PRKCG: variants seen among roughly 807,000 people sequenced by gnomAD.
PRKCG encodes protein kinase C gamma, also known as protein kinase C gamma type.
A neutral mutation model predicts 82.0 loss-of-function variants in PRKCG; 28 were observed. The observed-to-expected ratio is 0.34, with a 90% CI of 0.25 to 0.47. The LOEUF (loss-of-function observed/expected upper bound fraction) is 0.47. PRKCG is among the 20% of genes least tolerant of loss of function. PRKCG has a pLI of 1.00. For synonymous variants in PRKCG, 383 were observed against 376.6 expected, an observed-to-expected ratio of 1.02 and a Z score of -0.20; for missense variants, 640 against 952.7, an observed-to-expected ratio of 0.67 and a Z score of 4.32.
intron 5 of PRKCG, 105 bp from the exon 6 acceptor site, chr19:53,891,569 G>A (rs570239299): frequency 5.7e-5 from 81 of 1,431,752 alleles, no homozygotes; most frequent in East Asian, 2.6e-4. Flanking sequence ...GGCATGAGCC[G>A]CCGTGCCTGG....
chr19:53,882,623 C>A lies in PRKCG; in HGVS notation c.129C>A (p.Phe43Leu), dbSNP rs752509680. ...VKSHKFTARF[F>L]KQPTFCSHCT... ...GCCACAAGTTCACCGCTCGCTTCTT[C>A]AAGCAGCCCACCTTCTGCAGCCACT... The change falls in exon 1 of 18, where the codon TTC becomes TTA. Residue 43 changes from phenylalanine (F) to leucine (L), a missense_variant. Coordinates refer to ENST00000263431, the MANE Select transcript of PRKCG (RefSeq NM_002739.5). This position sits in a 1 kb window ranked among gnomAD's most constrained non-coding sequence, Gnocchi z 6.1. 1 of 1,612,604 alleles carries A rather than the reference C, an allele frequency of 6.2e-7. No homozygotes were observed. Among genetic ancestry groups the A allele is most frequent in the Non-Finnish European group, 8.5e-7 (1 of 1,179,464 alleles).
chr19:53,882,450 C>T lies in PRKCG; in HGVS notation c.-45C>T. On this transcript the variant is annotated 5_prime_UTR_variant, in exon 1 of 18. Coordinates refer to ENST00000263431, the MANE Select transcript of PRKCG (RefSeq NM_002739.5). This position sits in a 1 kb window ranked among gnomAD's most constrained non-coding sequence, Gnocchi z 6.1. ...AGCTCCTCTCCCTTCCACCTGTTTC[C>T]CCCAAGAAAGGCAGGATCCTGGTCC... 1 of 1,591,384 alleles carries T rather than the reference C, an allele frequency of 6.3e-7. No individual in the cohort carries two copies. Among genetic ancestry groups the T allele is most frequent in the Non-Finnish European group, 8.6e-7 (1 of 1,169,204 alleles).
Position 53,906,860 on chromosome 19 carries a change from A to C in PRKCG, c.2059A>C (p.Ser687Arg). The C allele has an allele frequency of 6.2e-7, 1 of 1,613,544 alleles. No homozygotes were observed. Among genetic ancestry groups the C allele is most frequent in the Non-Finnish European group, 8.5e-7 (1 of 1,179,956 alleles). The change falls in exon 18 of 18, where the codon AGC (serine) becomes CGC (arginine). Residue 687 changes from serine to arginine, a missense_variant. By Grantham distance (110) the Ser-to-Arg change is moderately radical (BLOSUM62 -1). Around this residue, in one of 7 missense-constraint regions of PRKCG, gnomAD observed 198 missense variants for 273.4 expected, o/e 0.72. Transcript: ENST00000263431. ...NPDFVHPDAR[S>R]PTSPVPVPVM ...CGACTTCGTGCACCCGGATGCCCGC[A>C]GCCCCACCAGCCCAGTGCCTGTGCC...
chr19:53,892,748 A>G lies in PRKCG; in HGVS notation c.821+105A>G, dbSNP rs993194392. On this transcript the variant is annotated intron_variant, in intron 7 of 17. Transcript: ENST00000263431. The surrounding 1 kb of genome is among the most constrained non-coding windows in gnomAD (Gnocchi z 5.9). ...ACTGTCCTTCCCTCTGCCTCCCAGC[A>G]TGCGCACACACACACACACACACAC... 7.9e-7 allele frequency: 1 copy of G among 1,258,646 alleles called. No individual in the cohort carries two copies. Among genetic ancestry groups the G allele is most frequent in the Non-Finnish European group, 1.1e-6 (1 of 908,750 alleles). 78.0% of individuals were successfully genotyped at this position (1,258,646 alleles called of 1,614,324 possible).
Position 53,892,729 on chromosome 19 carries a change from C to A in PRKCG, c.821+86C>A. On this transcript the variant is annotated intron_variant, in intron 7 of 17. Coordinates refer to ENST00000263431, the MANE Select transcript of PRKCG (RefSeq NM_002739.5). The surrounding 1 kb of genome is among the most constrained non-coding windows in gnomAD (Gnocchi z 5.9). ...GGTCTCTCTCCTCCAGGCCACTGTC[C>A]TTCCCTCTGCCTCCCAGCATGCGCA... is the stretch of plus-strand genomic sequence containing the variant. 6.6e-7 allele frequency: 1 copy of A among 1,503,974 alleles called. No homozygotes were observed. The allele number at this position is 1,503,974 out of a possible 1,614,324, so 93.2% of individuals were successfully genotyped here.
chr19:53,906,206 G>T lies in PRKCG; in HGVS notation c.1765-111G>T. On this transcript the variant is annotated intron_variant, in intron 16 of 17. Coordinates refer to ENST00000263431, the MANE Select transcript of PRKCG (RefSeq NM_002739.5). ...CTGTTCTTATCTCTCCGGATCTCAT[G>T]CCTGTGTCTCTTGGTTCCTCCATCT... 11 of 1,393,654 alleles carry T rather than the reference G, an allele frequency of 7.9e-6. No homozygotes were observed. In the South Asian group the frequency reaches 1.4e-4, roughly 17 times the overall value. 86.3% of individuals were successfully genotyped at this position (1,393,654 alleles called of 1,614,324 possible). A position where few individuals can be genotyped will look rare whatever the true frequency, so the allele number is the denominator to read the frequency against.
rs1448323942 is a variant in PRKCG, at chr19:53,889,388, C to G, written c.286-250C>G. 6.6e-6 allele frequency among the ~76,000 whole-genome samples: 1 copy of G among 152,098 alleles called. No homozygotes were observed. Among genetic ancestry groups the G allele is most frequent in the Non-Finnish European group, 1.5e-5 (1 of 68,028 alleles). ...TATTTACCATGTTTACATTCTGTAT[C>G]CCTCCATTAGGAAGTAAACTCCATG... On this transcript the variant is annotated intron_variant, in intron 3 of 17. Transcript: ENST00000263431. The surrounding 1 kb of genome is among the most constrained non-coding windows in gnomAD (Gnocchi z 4.4).
In PRKCG at chr19:53,883,029, G is replaced by T; in HGVS notation, c.171-134G>T. ...GGCCAAAATTTCTGGGTTCTAGAAA[G>T]AGGAGGTGGCCGGGGCTTGGACACC... On this transcript the variant is annotated intron_variant, in intron 1 of 17. Coordinates refer to ENST00000263431, the MANE Select transcript of PRKCG (RefSeq NM_002739.5). This position sits in a 1 kb window ranked among gnomAD's most constrained non-coding sequence, Gnocchi z 5.4. 1 of 1,174,170 alleles carries T rather than the reference G, an allele frequency of 8.5e-7. No homozygotes were observed. 72.7% of individuals were successfully genotyped at this position (1,174,170 alleles called of 1,614,324 possible).
In PRKCG at chr19:53,884,261, T is replaced by C; in HGVS notation, c.285+18T>C. On this transcript the variant is annotated intron_variant, in intron 3 of 17. Coordinates refer to ENST00000263431, the MANE Select transcript of PRKCG (RefSeq NM_002739.5). The surrounding 1 kb of genome is among the most constrained non-coding windows in gnomAD (Gnocchi z 4.6). ...AGACGGACGTGAGTGCTCGGACACC[T>C]GGTTCTCCTCCTCGGGCCGTGCCCC... 1.2e-6 allele frequency: 2 copies of C among 1,612,360 alleles called. No individual in the cohort carries two copies. Among genetic ancestry groups the C allele is most frequent in the Non-Finnish European group, 1.7e-6 (2 of 1,178,956 alleles).
intron 5 of PRKCG, among the ~76,000 whole-genome samples, chr19:53,890,627 G>C (rs1599944069): frequency 1.3e-5 from 2 of 151,286 alleles, no homozygotes; most frequent in African/African-American, 2.4e-5. Flanking sequence ...TGTCACCCAG[G>C]CTGGAGTGCA....
Position 53,883,327 on chromosome 19 carries a change from C to T in PRKCG, c.202+133C>T. 2 of 1,096,496 alleles carry T rather than the reference C, an allele frequency of 1.8e-6. No individual in the cohort carries two copies. The highest frequency in any genetic ancestry group is 2.6e-5 in the South Asian group (2 of 76,236). 67.9% of individuals were successfully genotyped at this position (1,096,496 alleles called of 1,614,324 possible). ...GGGGAGCCCGGGGCGGGGGGTGTGG[C>T]AGAGACACAGCCTGTGGTGGGGAGG... On this transcript the variant is annotated intron_variant, in intron 2 of 17. Coordinates refer to ENST00000263431, the MANE Select transcript of PRKCG (RefSeq NM_002739.5). The surrounding 1 kb of genome is among the most constrained non-coding windows in gnomAD (Gnocchi z 5.4).
chr19:53,893,185 A>C (rs905781155), intron 8 of PRKCG, 110 bp downstream of exon 8: 2 of 1,265,266 alleles, frequency 1.6e-6, no homozygotes, highest in Non-Finnish European at 2.3e-6. Flanking sequence ...TACAGTTCCC[A>C]GAAGACCCTA....
intron 3 of PRKCG, among the ~76,000 whole-genome samples, chr19:53,888,829 TAAC>T (rs1342383631): frequency 3.3e-5 from 5 of 152,096 alleles, no homozygotes; most frequent in African/African-American, 1.2e-4. Context: ...CCTCAAATAA[TAAC>T]TTGTGGGAGT....
In PRKCG at chr19:53,883,260, G is replaced by A; in HGVS notation, c.202+66G>A. 2 of 1,588,934 alleles carry A rather than the reference G, an allele frequency of 1.3e-6. No homozygotes were observed. The highest frequency in any genetic ancestry group is 1.7e-6 in the Non-Finnish European group (2 of 1,158,684). On this transcript the variant is annotated intron_variant, in intron 2 of 17. Coordinates refer to ENST00000263431, the MANE Select transcript of PRKCG (RefSeq NM_002739.5). The surrounding 1 kb of genome is among the most constrained non-coding windows in gnomAD (Gnocchi z 5.4). Reference sequence around the variant, plus strand: ...GTGGAGGCTGGGGCCCCACAGCTGAGGCTGCTTGACACACGTGTTCTCTGG... The same window carrying A: ...GTGGAGGCTGGGGCCCCACAGCTGAAGCTGCTTGACACACGTGTTCTCTGG...
chr19:53,889,760 TG>T lies in PRKCG; in HGVS notation c.397+14del. Reference sequence around the variant, plus strand: ...GCATGAAATGCTCCTGTGAGTGACCTGGGCCTTGCCAGGGCCCTTCCAAAGC... The same window carrying T: ...GCATGAAATGCTCCTGTGAGTGACCTGGCCTTGCCAGGGCCCTTCCAAAGC... On this transcript the variant is annotated intron_variant, in intron 4 of 17. Coordinates refer to ENST00000263431, the MANE Select transcript of PRKCG (RefSeq NM_002739.5). The surrounding 1 kb of genome is among the most constrained non-coding windows in gnomAD (Gnocchi z 4.4). The T allele has an allele frequency of 1.9e-6, 3 of 1,612,400 alleles. No individual in the cohort carries two copies. The highest frequency in any genetic ancestry group is 2.5e-6 in the Non-Finnish European group (3 of 1,179,282).
chr19:53,891,265 A>C (rs185028697), intron 5 of PRKCG, among the ~76,000 whole-genome samples: 55 of 149,360 alleles, frequency 3.7e-4, no homozygotes, highest in Admixed American at 8.0e-4. Flanking sequence ...AACGAGACTG[A>C]GAGCTTGGAA....
At chr19:53,885,716 AG>A (rs1487804898) in intron 3 of PRKCG, among the ~76,000 whole-genome samples, 5 of 152,170 alleles carry the variant, frequency 3.3e-5, no homozygotes, top group Admixed American at 6.6e-5. Context: ...AGAGATCCAC[AG>A]AAGTCCATGA....
chr19:53,900,496 G>A lies in PRKCG; in HGVS notation c.1436+15G>A. ...ATCATCTACAGGTGAGCAGCCCCAGGAATTTCCGTGGAGGAAATCACGCCC... is the reference window on the plus strand; with the variant it reads ...ATCATCTACAGGTGAGCAGCCCCAGAAATTTCCGTGGAGGAAATCACGCCC... On this transcript the variant is annotated intron_variant, in intron 13 of 17. Transcript: ENST00000263431. The surrounding 1 kb of genome is among the most constrained non-coding windows in gnomAD (Gnocchi z 4.2). 6.2e-7 allele frequency: 1 copy of A among 1,614,112 alleles called. No individual in the cohort carries two copies. Among genetic ancestry groups the A allele is most frequent in the Non-Finnish European group, 8.5e-7 (1 of 1,180,016 alleles).
Position 53,903,133 on chromosome 19 carries a change from T to C in PRKCG, c.1636T>C (p.Tyr546His). Residue 546 changes from tyrosine to histidine, a missense_variant, in exon 15 of 18, where the codon TAT (tyrosine) becomes CAT (histidine). Tyr to His is a moderately conservative substitution (Grantham distance 83, BLOSUM62 2). Around this residue, in one of 7 missense-constraint regions of PRKCG, gnomAD observed 198 missense variants for 273.4 expected, o/e 0.72. Transcript: ENST00000263431. ...VDWWSFGVLL[Y>H]EMLAGQPPFD... ...TTGGTGGTCCTTTGGAGTTCTGCTG[T>C]ATGAGATGTTGGCAGGACAGGTAAG... The C allele has an allele frequency of 6.2e-7, 1 of 1,613,758 alleles. No individual in the cohort carries two copies. Among genetic ancestry groups the C allele is most frequent in the East Asian group, 2.2e-5 (1 of 44,852 alleles).
Sources: gnomAD v4.1 joint callset for allele counts (sites outside exome capture counted in the v4.1 genomes callset) on GRCh38, gnomAD v4.1.1 for gene constraint, gnomAD v4.1.1 regional missense constraint, Gnocchi (gnomAD v3.1) non-coding constraint, MANE v1.5 for transcripts, NCBI Gene and HGNC (gene_info 2026-07-23, HGNC 2026-07-21) for gene names.